The following FAR2 variants were observed in gnomAD, a reference collection of about 807,000 sequenced individuals.
The protein encoded by FAR2 is epididymis secretory protein Li 81.
Under a neutral mutation model 56.0 loss-of-function variants are expected in FAR2, and 19 were observed. The ratio of observed to expected loss-of-function variants is 0.34; its 90% CI spans 0.24 to 0.50. FAR2 has a LOEUF of 0.50. FAR2 is among the 20% of genes least tolerant of loss of function. FAR2 has a pLI of 0.98. For synonymous variants in FAR2, 219 were observed against 218.8 expected (o/e 1.00, Z -0.01); for missense variants, 508 against 642.2 (o/e 0.79, Z 2.26).
chr12:29,164,004 T>C (rs943468376), intron 1 of FAR2, among the ~76,000 whole-genome samples: 13 of 152,220 alleles, frequency 8.5e-5, no homozygotes, highest in Non-Finnish European at 1.5e-5. Context: ...TGGTTGAGTG[T>C]TGGCAATTTC....
At position 29,332,675 on chromosome 12, in the gene FAR2, T is replaced by C; in HGVS notation, c.1333T>C (p.Leu445=). 6.2e-7 allele frequency: 1 copy of C among 1,613,778 alleles called. No homozygotes were observed. The highest frequency in any genetic ancestry group is 8.5e-7 in the Non-Finnish European group (1 of 1,179,794). Reference sequence around the variant, plus strand: ...TTATGTTTTGGGAGTTAAAAAATACTTATTGAAAGAGGATATGGCTGGGAT... The same window carrying C: ...TTATGTTTTGGGAGTTAAAAAATACCTATTGAAAGAGGATATGGCTGGGAT... ...ENYVLGVKKY[L]LKEDMAGIPK... is the part of the protein sequence containing the mutation. Residue 445 remains leucine, a synonymous_variant, in exon 11 of 12, where the codon TTA becomes CTA. Coordinates refer to ENST00000536681, the MANE Select transcript of FAR2 (RefSeq NM_001271783.2).
chr12:29,202,746 C>T, intron 1 of FAR2, among the ~76,000 whole-genome samples: 1 of 152,152 alleles, frequency 6.6e-6, no homozygotes, highest in East Asian at 1.9e-4. Context: ...CCTCTCTCTC[C>T]ATGTGAGACA....
chr12:29,255,678 G>A (rs1361621731), intron 1 of FAR2, among the ~76,000 whole-genome samples: 1 of 151,392 alleles, frequency 6.6e-6, no homozygotes, highest in Non-Finnish European at 1.5e-5. Flanking sequence ...AGGCTGGTGT[G>A]CAATAGCACA....
intron 1 of FAR2, among the ~76,000 whole-genome samples, chr12:29,252,179 A>G (rs1948223929): frequency 6.6e-6 from 1 of 152,136 alleles, no homozygotes; most frequent in East Asian, 1.9e-4. Flanking sequence ...TCCACAGTGG[A>G]GGTAAGGAAG....
intron 1 of FAR2, among the ~76,000 whole-genome samples, chr12:29,266,807 C>T (rs1948524519): frequency 6.6e-6 from 1 of 152,024 alleles, no homozygotes; most frequent in Admixed American, 6.6e-5. Context: ...GTAAACACTA[C>T]AGGCTCATTG....
chr12:29,257,559 G>A (rs561081044), intron 1 of FAR2, among the ~76,000 whole-genome samples: 1 of 152,104 alleles, frequency 6.6e-6, no homozygotes, highest in African/African-American at 2.4e-5. Flanking sequence ...TCACTCTTTG[G>A]GTCCACACTG....
chr12:29,150,809 T>G (rs911615947), intron 1 of FAR2, among the ~76,000 whole-genome samples: 5 of 152,218 alleles, frequency 3.3e-5, no homozygotes, highest in African/African-American at 1.2e-4. Flanking sequence ...CCTGCTGTAT[T>G]AACAAATTCC....
Position 29,253,185 on chromosome 12 carries a change from C to A in FAR2, c.-38-17227C>A, listed in dbSNP as rs370604266. ...TGATTCTTTCTCTCCCTATCTCTCT[C>A]TCTATCTATCTATCTAGATAGGTAT... On this transcript the variant is annotated intron_variant, in intron 1 of 11. Transcript: ENST00000536681. Among the ~76,000 whole-genome samples, 22 of 99,592 alleles carry A rather than the reference C, an allele frequency of 2.2e-4. 1 individual carries two copies. The highest frequency in any genetic ancestry group is 3.7e-4 in the Non-Finnish European group (17 of 45,912). The allele number at this position is 99,592 out of a possible 152,430, so 65.3% of individuals were successfully genotyped here. A position where few individuals can be genotyped will look rare whatever the true frequency, so the allele number is the denominator to read the frequency against.
chr12:29,284,760 A>T (rs568580931), intron 2 of FAR2, among the ~76,000 whole-genome samples: 8 of 152,210 alleles, frequency 5.3e-5, no homozygotes, highest in Non-Finnish European at 8.8e-5. Flanking sequence ...CAAAACAAAA[A>T]ACTTTGAATT....
intron 1 of FAR2, among the ~76,000 whole-genome samples, chr12:29,174,477 C>G (rs1289341815): frequency 1.4e-5 from 2 of 140,102 alleles, no homozygotes; most frequent in Admixed American, 1.4e-4. Flanking sequence ...TGCTGTGTCA[C>G]CCAGGCTAGA....
At chr12:29,311,264 AT>A in intron 7 of FAR2, 118 bp downstream of exon 7, 1 of 688,346 alleles carries the variant, frequency 1.5e-6, no homozygotes. Context: ...GAAAGTGCGT[AT>A]TTCAATATTT....
chr12:29,178,192 A>AT (rs888773324), intron 1 of FAR2, among the ~76,000 whole-genome samples: 1 of 152,234 alleles, frequency 6.6e-6, no homozygotes, highest in African/African-American at 2.4e-5. Context: ...ATAAAAAAAA[A>AT]AAAAGAAATT....
At chr12:29,172,315 T>A (rs1949895735) in intron 1 of FAR2, among the ~76,000 whole-genome samples, 1 of 152,270 alleles carries the variant, frequency 6.6e-6, no homozygotes, top group African/African-American at 2.4e-5. Context: ...GTGACAGCCT[T>A]GTGTGTGATC....
chr12:29,274,274 C>A (rs892151233), intron 2 of FAR2, among the ~76,000 whole-genome samples: 3 of 146,996 alleles, frequency 2.0e-5, no homozygotes, highest in Admixed American at 7.1e-5. Flanking sequence ...GTTCCCACCT[C>A]TGAGTGAGAA....
At chr12:29,262,131 A>G (rs565545483) in intron 1 of FAR2, among the ~76,000 whole-genome samples, 42 of 152,244 alleles carry the variant, frequency 2.8e-4, no homozygotes, top group Non-Finnish European at 5.9e-4. Context: ...CAATACAATA[A>G]TACATAAAAA....
intron 1 of FAR2, among the ~76,000 whole-genome samples, chr12:29,187,343 T>C (rs1174209722): frequency 1.3e-5 from 2 of 152,128 alleles, no homozygotes; most frequent in Admixed American, 6.5e-5. Context: ...TGGAGTATTA[T>C]ATAATTATTT....
intron 1 of FAR2, among the ~76,000 whole-genome samples, chr12:29,202,714 C>G (rs1459207940): frequency 1.3e-5 from 2 of 152,110 alleles, no homozygotes; most frequent in Admixed American, 1.3e-4. Flanking sequence ...AAGCCTGGAA[C>G]CTCCTTCCCT....
intron 10 of FAR2, among the ~76,000 whole-genome samples, chr12:29,325,672 G>A (rs990375146): frequency 2.6e-5 from 4 of 152,040 alleles, no homozygotes; most frequent in Non-Finnish European, 5.9e-5. Context: ...ACGAAATGAA[G>A]GCAGAAATAA....
In FAR2 at chr12:29,332,589, T is replaced by G; in HGVS notation, c.1258-11T>G. On this transcript the variant is annotated splice_polypyrimidine_tract_variant and intron_variant, in intron 10 of 11. Transcript: ENST00000536681. ...CAATTCTGGCAATCTATAATCTCTC[T>G]TGCCTCTCAGGTATTCAACTTTGAC... 2.5e-6 allele frequency: 4 copies of G among 1,613,470 alleles called. No homozygotes were observed. Among genetic ancestry groups the G allele is most frequent in the Non-Finnish European group, 3.4e-6 (4 of 1,179,564 alleles).
Sources: allele counts gnomAD v4.1 joint callset (sites outside exome capture counted in the v4.1 genomes callset), GRCh38; gene constraint gnomAD v4.1.1; transcripts MANE v1.5; gene names NCBI Gene and HGNC (gene_info 2026-07-23, HGNC 2026-07-21).